HPS1: variants seen among roughly 807,000 people sequenced by gnomAD.
HPS1 encodes the protein BLOC-3 complex member HPS1.
In HPS1, 59 loss-of-function variants were observed where a neutral mutation model predicts 90.6. The observed-to-expected ratio is 0.65, with a 90% CI of 0.53 to 0.81. HPS1 has a LOEUF of 0.81. Ranked by LOEUF, HPS1 falls within the 30% of genes least tolerant of loss-of-function variation. The pLI is 0.00. For missense variants in HPS1, 849 were observed against 896.7 expected, an observed-to-expected ratio of 0.95 and a Z score of 0.68; for synonymous variants, 388 against 384.4, an observed-to-expected ratio of 1.01 and a Z score of -0.11.
intron 10 of HPS1, 119 bp downstream of exon 10, chr10:98,429,454 G>C: frequency 6.3e-7 from 1 of 1,579,978 alleles, no homozygotes; most frequent in Non-Finnish European, 8.6e-7. Context: ...TAGGAACACG[G>C]GTACCTGCAC....
At chr10:98,425,516 G>C (rs1001862099) in intron 13 of HPS1, 25 bp downstream of exon 13, 6 of 1,598,654 alleles carry the variant, frequency 3.8e-6, no homozygotes, top group Non-Finnish European at 5.1e-6. Context: ...TCCCCAGGTG[G>C]GGAGGACTGG....
intron 10 of HPS1, 99 bp downstream of exon 10, chr10:98,429,474 A>T: frequency 1.2e-6 from 2 of 1,600,856 alleles, no homozygotes; most frequent in Non-Finnish European, 1.7e-6. Context: ...CTCAAGCCTT[A>T]GGAGGCACGG....
intron 17 of HPS1, among the ~76,000 whole-genome samples, chr10:98,421,979 GACACACACACACAC>G (rs200573934): frequency 7.1e-6 from 1 of 140,034 alleles, no homozygotes; most frequent in South Asian, 2.3e-4. Context: ...CACACACACA[GACACACACACACAC>G]ACACACACAC....
At chr10:98,446,239 T>G (rs1206309327) in intron 1 of HPS1, among the ~76,000 whole-genome samples, 1 of 152,184 alleles carries the variant, frequency 6.6e-6, no homozygotes, top group Non-Finnish European at 1.5e-5. Context: ...ACCCACATGA[T>G]TGGCCCGAAT....
At chr10:98,427,032 G>T in intron 11 of HPS1, 183 bp downstream of exon 11, 1 of 559,684 alleles carries the variant, frequency 1.8e-6, no homozygotes, top group Non-Finnish European at 3.2e-6. Context: ...GCCCATTCCT[G>T]GACCCTGCCT....
At position 98,427,240 on chromosome 10, in the gene HPS1, C is replaced by T. The variant is rs1311693187; in HGVS notation, c.962G>A (p.Gly321Asp). The change falls in exon 11 of 20, where the codon GGC becomes GAC. Residue 321 changes from glycine (G) to aspartate (D), a missense_variant. Gly to Asp is a moderately conservative substitution (Grantham distance 94, BLOSUM62 -1). Coordinates refer to ENST00000361490, the MANE Select transcript of HPS1 (RefSeq NM_000195.5). ...SSGSTIWLEG[G>D]TPPMDALQIA... Reference sequence around the variant, plus strand: ...CTGAAGGGCATCCATGGGGGGGGTGCCCCCCTCCAGCCAGATGGTGCTACC... The same window carrying T: ...CTGAAGGGCATCCATGGGGGGGGTGTCCCCCTCCAGCCAGATGGTGCTACC... 12 of 1,550,270 alleles carry T rather than the reference C, an allele frequency of 7.7e-6. No individual in the cohort carries two copies. The East Asian group carries it at 2.4e-4, about 31-fold the overall frequency.
intron 10 of HPS1, 86 bp from the exon 11 acceptor site, chr10:98,427,350 GC>G (rs1845751825): frequency 8.5e-7 from 1 of 1,177,766 alleles, no homozygotes; most frequent in Non-Finnish European, 1.2e-6. Flanking sequence ...GGGCCCAGGT[GC>G]CCCCCACAAC....
chr10:98,424,301 C>T lies in HPS1; in HGVS notation c.1397+12G>A, dbSNP rs1419539659. ...ACACGACCCACCCCTTGTCCTGAGG[C>T]CCACCACTCACTCCCAGGAGGATCC... On this transcript the variant is annotated intron_variant, in intron 14 of 19. Transcript: ENST00000361490. 6.2e-7 allele frequency: 1 copy of T among 1,608,256 alleles called. No homozygotes were observed.
chr10:98,421,764 C>T lies in HPS1; in HGVS notation c.1743+605G>A, dbSNP rs560458801. 1.8e-4 allele frequency among the ~76,000 whole-genome samples: 27 copies of T among 152,310 alleles called. No homozygotes were observed. In the South Asian group the frequency reaches 5.0e-3, roughly 28 times the overall value. On this transcript the variant is annotated intron_variant, in intron 17 of 19. Coordinates refer to ENST00000361490, the MANE Select transcript of HPS1 (RefSeq NM_000195.5). ...GTATCCTCTCATGTACTCTTCATAA[C>T]TCTGTGATGTAAATAGCACTATTAT...
rs192767530 is a variant in HPS1, at chr10:98,440,467, T to A, written c.117+2657A>T. Among the ~76,000 whole-genome samples, 238 of 152,206 alleles carry A rather than the reference T, an allele frequency of 1.6e-3. 1 individual carries two copies. The highest frequency in any genetic ancestry group is 5.5e-3 in the African/African-American group (230 of 41,534). ...AGTACAATGTTTCCATTAAGAATTA[T>A]GCTTCTGAGACTATTTAAAAAAATA... On this transcript the variant is annotated intron_variant, in intron 3 of 19. Transcript: ENST00000361490.
intron 2 of HPS1, 104 bp from the exon 3 acceptor site, chr10:98,443,344 C>A (rs1564875848): frequency 7.2e-6 from 6 of 835,342 alleles, no homozygotes; most frequent in Non-Finnish European, 1.3e-5. Context: ...TTCAGTGAGC[C>A]CCTTCTGCAC....
chr10:98,429,484 G>C, intron 10 of HPS1, 89 bp downstream of exon 10: 1 of 1,607,212 alleles, frequency 6.2e-7, no homozygotes, highest in Admixed American at 1.7e-5. Context: ...AGGAGGCACG[G>C]GGGTCCACTG....
Position 98,417,599 on chromosome 10 carries a change from G to A in HPS1, c.2068C>T (p.Arg690Cys), listed in dbSNP as rs367656088. 54 of 1,612,192 alleles carry A rather than the reference G, an allele frequency of 3.3e-5. No homozygotes were observed. The Middle Eastern group carries it at 5.4e-4, about 16-fold the overall frequency. ...LVQQAGQLAR[R>C]LWEASRIPLL is the part of the protein sequence containing the mutation. Reference sequence around the variant, plus strand: ...GGGATACGGGAGGCCTCCCAGAGGCGCCGGGCCAGCTGGCCGGCCTGCTGC... The same window carrying A: ...GGGATACGGGAGGCCTCCCAGAGGCACCGGGCCAGCTGGCCGGCCTGCTGC... Residue 690 changes from arginine (R) to cysteine (C), a missense_variant, in exon 20 of 20, where the codon CGC (arginine) becomes TGC (cysteine). Arg to Cys is a radical substitution (Grantham distance 180). Transcript: ENST00000361490. The surrounding 1 kb of genome is among the most constrained non-coding windows in gnomAD (Gnocchi z 4.2).
intron 10 of HPS1, among the ~76,000 whole-genome samples, chr10:98,428,986 C>T (rs1318263902): frequency 2.6e-5 from 4 of 151,936 alleles, no homozygotes; most frequent in African/African-American, 4.8e-5. Context: ...GGATTACAGG[C>T]GCCTGCCACC....
At chr10:98,432,045 A>G (rs1846548583) in intron 6 of HPS1, among the ~76,000 whole-genome samples, 1 of 152,354 alleles carries the variant, frequency 6.6e-6, no homozygotes, top group African/African-American at 2.4e-5. Flanking sequence ...GCTAATGACT[A>G]TCATATTGGA....
chr10:98,427,831 T>C (rs930996748), intron 10 of HPS1, among the ~76,000 whole-genome samples: 3 of 152,218 alleles, frequency 2.0e-5, no homozygotes, highest in East Asian at 1.9e-4. Flanking sequence ...TTACCTCTTA[T>C]ATTTCATTGC....
chr10:98,429,637 T>G lies in HPS1; in HGVS notation c.873A>C (p.Thr291=). ...PTGGSSAETE[T]DSFSLPEEYF... ...ACTCCTCAGGGAGGGAGAAGCTGTC[T>G]GTCTCCTGGAATGGAGAAGGTGGCT... The change falls in exon 10 of 20, where the codon ACA becomes ACC. Residue 291 remains threonine, a synonymous_variant. Transcript: ENST00000361490. 6.2e-7 allele frequency: 1 copy of G among 1,614,216 alleles called. No individual in the cohort carries two copies. Among genetic ancestry groups the G allele is most frequent in the Non-Finnish European group, 8.5e-7 (1 of 1,180,028 alleles).
chr10:98,418,287 T>G lies in HPS1; in HGVS notation c.1858-30A>C, dbSNP rs747732128. 4.2e-6 allele frequency: 6 copies of G among 1,412,134 alleles called. No individual in the cohort carries two copies. In the African/African-American group the frequency reaches 8.5e-5, roughly 20 times the overall value. The allele number at this position is 1,412,134 out of a possible 1,614,324, so 87.5% of individuals were successfully genotyped here. A position where few individuals can be genotyped will look rare whatever the true frequency, so the allele number is the denominator to read the frequency against. ...GGAGGGAGGACAGGGAGGCAGTGGG[T>G]GTGGGGGTAGTGCAAGGGCCTGAGT... On this transcript the variant is annotated intron_variant, in intron 18 of 19. Transcript: ENST00000361490.
At chr10:98,415,047 C>T (rs1170070521), downstream of HPS1, 1 of 1,614,012 alleles carries the variant, frequency 6.2e-7, no homozygotes. Context: ...AGGCTTCAGA[C>T]CTCCCCTGGC....
Sources: allele counts gnomAD v4.1 joint callset (sites outside exome capture counted in the v4.1 genomes callset), GRCh38; gene constraint gnomAD v4.1.1; non-coding constraint Gnocchi (gnomAD v3.1); transcripts MANE v1.5; gene names NCBI Gene and HGNC (gene_info 2026-07-23, HGNC 2026-07-21).